The following HADHA variants were observed in gnomAD, a reference collection of about 807,000 sequenced individuals.
HADHA encodes hydroxyacyl-CoA dehydrogenase trifunctional multienzyme complex subunit alpha, also known as trifunctional enzyme subunit alpha, mitochondrial.
In HADHA, 59 loss-of-function variants were observed where a neutral mutation model predicts 91.3. The observed-to-expected ratio is 0.65, with a 90% confidence interval of 0.52 to 0.80. The LOEUF is 0.80. HADHA is among the 30% of genes least tolerant of loss of function. HADHA has a pLI of 0.00. For synonymous variants in HADHA, 320 were observed against 338.9 expected, an observed-to-expected ratio of 0.94 and a Z score of 0.61; for missense variants, 800 against 927.6, an observed-to-expected ratio of 0.86 and a Z score of 1.79.
intron 7 of HADHA, among the ~76,000 whole-genome samples, chr2:26,225,448 C>G (rs1371395499): frequency 6.6e-6 from 1 of 150,522 alleles, no homozygotes; most frequent in Non-Finnish European, 1.5e-5. Context: ...TTTTATGAAG[C>G]CAGCATTATC....
chr2:26,211,960 G>A (rs1670110520), intron 10 of HADHA: 1 of 152,902 alleles, frequency 6.5e-6, no homozygotes, highest in African/African-American at 2.4e-5. Context: ...CTGCCCAAGT[G>A]CGGAACAAAA....
At position 26,234,096 on chromosome 2, in the gene HADHA, A is replaced by G. The variant is rs921668545; in HGVS notation, c.453+121T>C. The G allele has an allele frequency of 4.0e-6, 4 of 1,011,398 alleles. No individual in the cohort carries two copies. The African/African-American group carries it at 6.4e-5, about 16-fold the overall frequency. 62.7% of individuals were successfully genotyped at this position (1,011,398 alleles called of 1,614,324 possible). ...AATTCCGTCTCAAAGCAAAAAACAA[A>G]AAACAAAGCGGATTCTCCTCCAGAA... On this transcript the variant is annotated intron_variant, in intron 5 of 19. Coordinates refer to ENST00000380649, the MANE Select transcript of HADHA (RefSeq NM_000182.5).
chr2:26,215,288 C>T (rs1670189081), intron 7 of HADHA, 113 bp from the exon 8 acceptor site: 1 of 910,064 alleles, frequency 1.1e-6, no homozygotes, highest in East Asian at 2.4e-5. Flanking sequence ...CCATTTCAGA[C>T]TGGAGACTGG....
Position 26,212,644 on chromosome 2 carries a change from C to T in HADHA, c.919-18G>A. On this transcript the variant is annotated intron_variant, in intron 9 of 19. Transcript: ENST00000380649. Reference sequence around the variant, plus strand: ...TTTACCACCTAAAAAACATATAAAGCACTTGCTCAGCGTTGGAATAGATTG... The same window carrying T: ...TTTACCACCTAAAAAACATATAAAGTACTTGCTCAGCGTTGGAATAGATTG... 2 of 1,560,176 alleles carry T rather than the reference C, an allele frequency of 1.3e-6. No homozygotes were observed. The highest frequency in any genetic ancestry group is 1.8e-6 in the Non-Finnish European group (2 of 1,130,728).
rs111258495 is a variant in HADHA, at chr2:26,241,920, A to AT, written c.67+2609dup. Among the ~76,000 whole-genome samples, 917 of 146,254 alleles carry AT rather than the reference A, an allele frequency of 6.3e-3. 5 individuals are homozygous for AT. Among genetic ancestry groups the AT allele is most frequent in the African/African-American group, 0.018 (731 of 40,102 alleles). On this transcript the variant is annotated intron_variant, in intron 1 of 19. Coordinates refer to ENST00000380649, the MANE Select transcript of HADHA (RefSeq NM_000182.5). Reference sequence around the variant, plus strand: ...AGAATTACAAGTCTCCTTCAAGATAATTTTTTTTTTTTTGAGATATGGTCT... The same window carrying AT: ...AGAATTACAAGTCTCCTTCAAGATAATTTTTTTTTTTTTTGAGATATGGTCT...
chr2:26,196,250 T>C (rs1375143567), intron 14 of HADHA, among the ~76,000 whole-genome samples: 1 of 152,238 alleles, frequency 6.6e-6, no homozygotes, highest in African/African-American at 2.4e-5. Flanking sequence ...AATGCCATTA[T>C]GTAATACACA....
At chr2:26,197,634 T>C in intron 14 of HADHA, 57 bp downstream of exon 14, 4 of 845,292 alleles carry the variant, frequency 4.7e-6, no homozygotes, top group Non-Finnish European at 8.3e-6. Context: ...TGTAAGCCTT[T>C]ATCAGTGAAT....
Position 26,229,872 on chromosome 2 carries a change from G to C in HADHA, c.676+320C>G, listed in dbSNP as rs1670577804. ...ATGGGAGTCTGGCTCTGTTGCCCAGGCTGGAGCACAATGGCATGATCTTGG... is the reference window on the plus strand; with the variant it reads ...ATGGGAGTCTGGCTCTGTTGCCCAGCCTGGAGCACAATGGCATGATCTTGG... On this transcript the variant is annotated intron_variant, in intron 7 of 19. Coordinates refer to ENST00000380649, the MANE Select transcript of HADHA (RefSeq NM_000182.5). This position sits in a 1 kb window ranked among gnomAD's most constrained non-coding sequence, Gnocchi z 4.3. Among the ~76,000 whole-genome samples the C allele has an allele frequency of 1.3e-5, 2 of 152,164 alleles. No homozygotes were observed. Among genetic ancestry groups the C allele is most frequent in the Admixed American group, 1.3e-4 (2 of 15,274 alleles).
intron 17 of HADHA, among the ~76,000 whole-genome samples, 188 bp from the exon 18 acceptor site, chr2:26,192,612 C>T (rs779108166): frequency 5.3e-5 from 8 of 152,022 alleles, no homozygotes; most frequent in Non-Finnish European, 1.0e-4. Context: ...ATGGTGAAAC[C>T]CCATCTCTAC....
intron 11 of HADHA, among the ~76,000 whole-genome samples, chr2:26,208,401 A>G (rs1022253922): frequency 4.6e-5 from 7 of 152,212 alleles, no homozygotes; most frequent in Middle Eastern, 3.2e-3. Flanking sequence ...TACTACCTCC[A>G]TACGACAATA....
intron 11 of HADHA, among the ~76,000 whole-genome samples, chr2:26,204,495 G>A (rs1457232029): frequency 6.6e-6 from 1 of 152,172 alleles, no homozygotes; most frequent in African/African-American, 2.4e-5. Context: ...AAGTCAACAT[G>A]AGTATTTTTG....
At chr2:26,202,078 C>T (rs904454663) in intron 12 of HADHA, among the ~76,000 whole-genome samples, 6 of 151,868 alleles carry the variant, frequency 4.0e-5, no homozygotes, top group African/African-American at 7.3e-5. Flanking sequence ...GGATTATAGG[C>T]GTGAGCCACC....
chr2:26,217,103 C>A (rs560736177), intron 7 of HADHA, among the ~76,000 whole-genome samples: 1 of 152,052 alleles, frequency 6.6e-6, no homozygotes, highest in African/African-American at 2.4e-5. Context: ...GTGAATCAAC[C>A]CCAGCTACTT....
intron 7 of HADHA, among the ~76,000 whole-genome samples, chr2:26,219,802 C>T (rs922658828): frequency 6.6e-6 from 1 of 151,928 alleles, no homozygotes; most frequent in Admixed American, 6.6e-5. Context: ...TCATGGTGTC[C>T]CTAAAAAAGA....
intron 10 of HADHA, 56 bp from the exon 11 acceptor site, chr2:26,209,945 A>G: frequency 5.4e-6 from 5 of 923,358 alleles, no homozygotes; most frequent in Non-Finnish European, 9.1e-6. Context: ...GGTTATATGG[A>G]TTCCTTCAGT....
chr2:26,192,647 G>A (rs1282200493), intron 17 of HADHA, among the ~76,000 whole-genome samples: 1 of 152,070 alleles, frequency 6.6e-6, no homozygotes, highest in Admixed American at 6.5e-5. Flanking sequence ...TTAGCTGGGC[G>A]AAGCAGGAGG....
intron 4 of HADHA, 137 bp from the exon 5 acceptor site, chr2:26,234,492 G>T: frequency 1.2e-6 from 1 of 806,732 alleles, no homozygotes; most frequent in Non-Finnish European, 2.1e-6. Context: ...GGTTAAGAAT[G>T]ATTTTGCTTC....
chr2:26,211,154 G>C (rs547053168), intron 10 of HADHA, among the ~76,000 whole-genome samples: 1 of 152,244 alleles, frequency 6.6e-6, no homozygotes, highest in Non-Finnish European at 1.5e-5. Flanking sequence ...TATAAAAAGC[G>C]GAATACACAG....
chr2:26,234,457 T>C (rs991846132), intron 4 of HADHA, 102 bp from the exon 5 acceptor site: 4 of 991,752 alleles, frequency 4.0e-6, no homozygotes, highest in African/African-American at 1.6e-5. Context: ...TGCATCAATA[T>C]TTGATGACAA....
Sources: gnomAD v4.1 joint callset for allele counts (sites outside exome capture counted in the v4.1 genomes callset) on GRCh38, gnomAD v4.1.1 for gene constraint, Gnocchi (gnomAD v3.1) non-coding constraint, MANE v1.5 for transcripts, NCBI Gene and HGNC (gene_info 2026-07-23, HGNC 2026-07-21) for gene names.